Variants in MGST1 observed in about 807,000 individuals in gnomAD.
The protein encoded by MGST1 is glutathione S-transferase 12.
Under a neutral mutation model 8.9 loss-of-function variants are expected in MGST1, and 5 were observed. The observed-to-expected ratio is 0.56, with a 90% CI of 0.29 to 1.19. The LOEUF is 1.19. MGST1 is among the 50% of genes most tolerant of loss of function. The pLI, the probability that MGST1 is intolerant of heterozygous loss-of-function variation, is 0.08. For missense variants in MGST1, 182 were observed against 187.4 expected (o/e 0.97, Z 0.17); for synonymous variants, 54 against 67.8 (o/e 0.80, Z 1.00).
At chr12:16,393,073 T>C (rs1940568500) in intron 1 of MGST1, among the ~76,000 whole-genome samples, 1 of 151,996 alleles carries the variant, frequency 6.6e-6, no homozygotes, top group Admixed American at 6.6e-5. Context: ...GAAGTTAAAA[T>C]GAGAATAGAC....
At chr12:16,506,915 T>C (rs977745240) in intron 4 of MGST1, among the ~76,000 whole-genome samples, 1 of 152,328 alleles carries the variant, frequency 6.6e-6, no homozygotes, top group African/African-American at 2.4e-5. Flanking sequence ...ACAAACAAGA[T>C]AGTGATGCTG....
Position 16,579,803 on chromosome 12 carries a change from T to C in MGST1, n.483-9725T>C, listed in dbSNP as rs552311404. ...GTGAATGCGATACTTTACAGAAAAATACCAGCTTATAAATGTAGAAGTGAT... is the reference window on the plus strand; with the variant it reads ...GTGAATGCGATACTTTACAGAAAAACACCAGCTTATAAATGTAGAAGTGAT... On this transcript the variant is annotated intron_variant and non_coding_transcript_variant, in intron 4 of 4. Coordinates refer to the MGST1 transcript ENST00000538857. Among the ~76,000 whole-genome samples the C allele has an allele frequency of 3.3e-4, 50 of 152,354 alleles. 1 individual carries two copies. In the South Asian group the frequency reaches 9.9e-3, roughly 30 times the overall value.
At chr12:16,474,802 T>A (rs561592475) in intron 4 of MGST1, among the ~76,000 whole-genome samples, 2 of 152,344 alleles carry the variant, frequency 1.3e-5, no homozygotes, top group South Asian at 4.1e-4. Flanking sequence ...GAAGCTAGTG[T>A]GTTTGTGCAT....
chr12:16,382,852 C>G (rs1268429522), exon 1 of MGST1: 2 of 153,292 alleles, frequency 1.3e-5, no homozygotes, highest in African/African-American at 4.8e-5. Context: ...ATGGTGGGCG[C>G]CCCTCCCCCA....
intron 4 of MGST1, among the ~76,000 whole-genome samples, chr12:16,446,442 T>C (rs1420262776): frequency 6.6e-6 from 1 of 151,960 alleles, no homozygotes; most frequent in Non-Finnish European, 1.5e-5. Flanking sequence ...CTTCAGCCTC[T>C]TGAGGAGTCA....
At chr12:16,479,535 C>CTTTTTTTTTTTTTTTTTT (rs71054820) in intron 4 of MGST1, among the ~76,000 whole-genome samples, 12 of 113,098 alleles carry the variant, frequency 1.1e-4, no homozygotes, top group African/African-American at 4.6e-4. Context: ...CGCCCGGCCT[C>CTTTTTTTTTTTTTTTTTT]TTTTTTTTTT....
downstream of MGST1, among the ~76,000 whole-genome samples, chr12:16,366,096 ATT>A (rs1276693204): frequency 6.6e-6 from 1 of 152,138 alleles, no homozygotes; most frequent in Non-Finnish European, 1.5e-5. The surrounding 1 kb of genome is among the most constrained non-coding windows in gnomAD (Gnocchi z 4.0). Context: ...ACAGTTATCC[ATT>A]TAGCTACTAA....
rs916235709 is a variant in MGST1 at position 16,458,528 on chromosome 12, T to A, written n.482+74924T>A. Among the ~76,000 whole-genome samples, 1 of 151,954 alleles carries A rather than the reference T, an allele frequency of 6.6e-6. No homozygotes were observed. The highest frequency in any genetic ancestry group is 2.4e-5 in the African/African-American group (1 of 41,400). ...AACATACGATGCTATTGGTGAAACT[T>A]TATTTAGGAAGGGTGTTAGTTCACT... On this transcript the variant is annotated intron_variant and non_coding_transcript_variant, in intron 4 of 4. Coordinates refer to the MGST1 transcript ENST00000538857. This position sits in a 1 kb window ranked among gnomAD's most constrained non-coding sequence, Gnocchi z 4.0.
At chr12:16,475,977 T>C (rs1941320200) in intron 4 of MGST1, among the ~76,000 whole-genome samples, 1 of 151,674 alleles carries the variant, frequency 6.6e-6, no homozygotes, top group Non-Finnish European at 1.5e-5. Flanking sequence ...AAAAAATACA[T>C]GATCTTGACT....
At chr12:16,523,603 C>T (rs890236103) in intron 4 of MGST1, among the ~76,000 whole-genome samples, 6 of 152,004 alleles carry the variant, frequency 3.9e-5, no homozygotes, top group African/African-American at 9.7e-5. Context: ...TGTTACAAGA[C>T]GGGCTTATGA....
At chr12:16,536,082 AGTGTGTGTGTGTGTGT>A (rs10579042) in intron 4 of MGST1, among the ~76,000 whole-genome samples, 1 of 145,324 alleles carries the variant, frequency 6.9e-6, no homozygotes, top group African/African-American at 2.6e-5. Context: ...GGTGTGTGTG[AGTGTGTGTGTGTGTGT>A]GTGTGTGTGT....
In MGST1 at chr12:16,395,278, T is replaced by A. The variant is rs2160508; in HGVS notation, n.778+11674T>A. On this transcript the variant is annotated intron_variant and non_coding_transcript_variant, in intron 1 of 1. Coordinates refer to the MGST1 transcript ENST00000359720. ...TCCATTATTTTTCACTTAGTTGCAA[T>A]AAACCTCTGCCATATGTGAAGTATC... 9.5e-3 allele frequency among the ~76,000 whole-genome samples: 1,445 copies of A among 152,288 alleles called. 51 individuals carry two copies. In the East Asian group the frequency reaches 0.13, roughly 14 times the overall value.
chr12:16,504,570 CA>C (rs1221893957), intron 4 of MGST1, among the ~76,000 whole-genome samples: 1 of 152,118 alleles, frequency 6.6e-6, no homozygotes, highest in Non-Finnish European at 1.5e-5. Flanking sequence ...CCCCAACCCC[CA>C]ATACCCTAAT....
chr12:16,442,478 G>T (rs1941046779), downstream of MGST1, among the ~76,000 whole-genome samples: 1 of 151,758 alleles, frequency 6.6e-6, no homozygotes, highest in Non-Finnish European at 1.5e-5. This position sits in a 1 kb window ranked among gnomAD's most constrained non-coding sequence, Gnocchi z 4.5. Flanking sequence ...CCCATTTTCA[G>T]TTACTTTTTT....
At position 16,400,239 on chromosome 12, in the gene MGST1, A is replaced by G. The variant is rs1940642852; in HGVS notation, n.778+16635A>G. On this transcript the variant is annotated intron_variant and non_coding_transcript_variant, in intron 1 of 1. Transcript: ENST00000359720. Reference sequence around the variant, plus strand: ...GCACATCCATGTGCCACTTCTTCCCAAACATGATGGCATTCTTGAGGTGAA... The same window carrying G: ...GCACATCCATGTGCCACTTCTTCCCGAACATGATGGCATTCTTGAGGTGAA... 3 of 854,550 alleles carry G rather than the reference A, an allele frequency of 3.5e-6. No individual in the cohort carries two copies. In the South Asian group the frequency reaches 4.1e-5, roughly 12 times the overall value. The allele number at this position is 854,550 out of a possible 1,614,324, so 52.9% of individuals were successfully genotyped here. A position where few individuals can be genotyped will look rare whatever the true frequency, so the allele number is the denominator to read the frequency against.
Position 16,478,672 on chromosome 12 carries a change from T to C in MGST1, n.482+95068T>C, listed in dbSNP as rs190608544. Among the ~76,000 whole-genome samples, 420 of 152,182 alleles carry C rather than the reference T, an allele frequency of 2.8e-3. 3 individuals are homozygous for C. The highest frequency in any genetic ancestry group is 9.9e-3 in the African/African-American group (411 of 41,550). On this transcript the variant is annotated intron_variant and non_coding_transcript_variant, in intron 4 of 4. Transcript: ENST00000538857. Reference sequence around the variant, plus strand: ...GTGGGAGGACATTATATACATAAAATAGATAATAAATTACAATATTAAAAA... The same window carrying C: ...GTGGGAGGACATTATATACATAAAACAGATAATAAATTACAATATTAAAAA...
At chr12:16,367,440 A>T (rs1402719203), downstream of MGST1, 1 of 152,214 alleles carries the variant, frequency 6.6e-6, no homozygotes, top group African/African-American at 2.4e-5. Context: ...TAACTGTCTC[A>T]TGGCCTGGTC....
intron 3 of MGST1, among the ~76,000 whole-genome samples, chr12:16,374,370 A>T (rs1280523684): frequency 6.6e-6 from 1 of 152,042 alleles, no homozygotes; most frequent in Non-Finnish European, 1.5e-5. Flanking sequence ...ATTTAAATTT[A>T]TTGCTGTTTT....
intron 4 of MGST1, among the ~76,000 whole-genome samples, chr12:16,446,239 T>C (rs761113312): frequency 3.9e-5 from 6 of 151,930 alleles, no homozygotes; most frequent in Non-Finnish European, 8.8e-5. Context: ...CAGTGTAGAA[T>C]TATCCAAACA....
Sources: gnomAD v4.1 joint callset for allele counts (sites outside exome capture counted in the v4.1 genomes callset) on GRCh38, gnomAD v4.1.1 for gene constraint, Gnocchi (gnomAD v3.1) non-coding constraint, MANE v1.5 for transcripts, NCBI Gene and HGNC (gene_info 2026-07-23, HGNC 2026-07-21) for gene names.